Variants in PARP8 observed in about 807,000 individuals in gnomAD.
PARP8 encodes protein mono-ADP-ribosyltransferase PARP8.
A neutral mutation model predicts 124.1 loss-of-function variants in PARP8; 51 were observed. That is an observed-to-expected ratio of 0.41 (90% confidence interval 0.33 to 0.52). PARP8 has a LOEUF of 0.52. Ranked by LOEUF, PARP8 falls within the 20% of genes least tolerant of loss-of-function variation. The probability of loss-of-function intolerance (pLI) is 0.21; values close to 1 mark genes in which losing one functional copy is unlikely to be tolerated. For missense variants in PARP8, 860 were observed against 1,018.9 expected, an observed-to-expected ratio of 0.84 and a Z score of 2.12; for synonymous variants, 391 against 361.5, an observed-to-expected ratio of 1.08 and a Z score of -0.93.
chr5:50,792,477 C>T (rs1245008455), intron 10 of PARP8, among the ~76,000 whole-genome samples: 1 of 145,602 alleles, frequency 6.9e-6, no homozygotes, highest in Non-Finnish European at 1.5e-5. Flanking sequence ...CCATTTTGAC[C>T]TGTTTTTTTT....
chr5:50,812,522 A>G (rs1041450004), intron 14 of PARP8, among the ~76,000 whole-genome samples: 2 of 151,888 alleles, frequency 1.3e-5, no homozygotes. Flanking sequence ...GATTGCAAAA[A>G]TTTTCTCCCA....
At position 50,672,352 on chromosome 5, in the gene PARP8, T is replaced by C. The variant is rs2149433224; in HGVS notation, c.146+4227T>C. On this transcript the variant is annotated intron_variant, in intron 2 of 25. Transcript: ENST00000281631. ...CACACTGTCTAGCCCAGTATTCTTC[T>C]AAGTAAGTAGGTGTTGAATGACTTA... Among the ~76,000 whole-genome samples, 2 of 152,330 alleles carry C rather than the reference T, an allele frequency of 1.3e-5. 1 individual carries two copies. The highest frequency in any genetic ancestry group is 6.8e-3 in the Middle Eastern group (2 of 294).
intron 14 of PARP8, among the ~76,000 whole-genome samples, chr5:50,801,276 T>G (rs1256887109): frequency 6.6e-6 from 1 of 152,078 alleles, no homozygotes; most frequent in Non-Finnish European, 1.5e-5. Context: ...ATTTTGTGTT[T>G]TTATTAGAGA....
intron 7 of PARP8, 66 bp from the exon 8 acceptor site, chr5:50,778,003 A>G: frequency 1.7e-6 from 2 of 1,202,312 alleles, no homozygotes; most frequent in South Asian, 2.7e-5. Flanking sequence ...AAATAAAATA[A>G]CCTAACACAC....
chr5:50,690,265 A>G (rs999077568), intron 2 of PARP8, among the ~76,000 whole-genome samples: 4 of 152,220 alleles, frequency 2.6e-5, no homozygotes, highest in Admixed American at 2.6e-4. Context: ...AGGGATTCCT[A>G]CTGGATGGTC....
chr5:50,837,144 A>C (rs1174483589), intron 25 of PARP8, among the ~76,000 whole-genome samples: 1 of 152,172 alleles, frequency 6.6e-6, no homozygotes, highest in African/African-American at 2.4e-5. Context: ...CATGTGAATA[A>C]AAGAGAAGTA....
At chr5:50,776,315 T>C (rs1740009584) in intron 7 of PARP8, among the ~76,000 whole-genome samples, 2 of 152,236 alleles carry the variant, frequency 1.3e-5, no homozygotes, top group South Asian at 4.1e-4. Context: ...GATATTTGCA[T>C]CTGGTTCATC....
In PARP8 at chr5:50,824,971, C is replaced by A; in HGVS notation, c.1924C>A (p.Gln642Lys). Residue 642 changes from glutamine (Q) to lysine (K), a missense_variant, in exon 18 of 26, where the codon CAA (glutamine) becomes AAA (lysine). Physicochemically the swap from Gln to Lys is moderately conservative, Grantham distance 53. Transcript: ENST00000281631. Reference protein sequence around the residue: ...KQDPLAHPLLQWVISSNRSHI... With the variant: ...KQDPLAHPLLKWVISSNRSHI... ...GGACCCCCTTGCTCATCCCTTACTG[C>A]AATGGTATAAAATTCTAGTTTTCCT... is the stretch of plus-strand genomic sequence containing the variant. 2 of 1,609,218 alleles carry A rather than the reference C, an allele frequency of 1.2e-6. No homozygotes were observed. Among genetic ancestry groups the A allele is most frequent in the East Asian group, 2.2e-5 (1 of 44,810 alleles).
At chr5:50,820,732 T>A (rs563078500) in intron 15 of PARP8, among the ~76,000 whole-genome samples, 8 of 152,368 alleles carry the variant, frequency 5.3e-5, no homozygotes, top group African/African-American at 1.9e-4. Flanking sequence ...CAGGTCTCTG[T>A]TGAGATTCAC....
rs1047803918 is a variant in PARP8, at chr5:50,789,501, G to A, written c.737+912G>A. On this transcript the variant is annotated intron_variant, in intron 10 of 25. Transcript: ENST00000281631. Reference sequence around the variant, plus strand: ...AAGAAAATAATGATGCCATCCACATGGTCTCCTTCGCCAGCCTTCCACACA... The same window carrying A: ...AAGAAAATAATGATGCCATCCACATAGTCTCCTTCGCCAGCCTTCCACACA... Among the ~76,000 whole-genome samples, 11 of 152,106 alleles carry A rather than the reference G, an allele frequency of 7.2e-5. 1 individual carries two copies. The highest frequency in any genetic ancestry group is 1.4e-4 in the African/African-American group (6 of 41,430).
intron 2 of PARP8, among the ~76,000 whole-genome samples, chr5:50,734,372 T>C (rs911548639): frequency 1.3e-5 from 2 of 152,136 alleles, no homozygotes; most frequent in African/African-American, 4.8e-5. Flanking sequence ...TGTGTGATGG[T>C]GTAGGAGTGT....
intron 2 of PARP8, among the ~76,000 whole-genome samples, chr5:50,746,294 GTC>G (rs1420228628): frequency 2.6e-5 from 4 of 152,136 alleles, no homozygotes; most frequent in African/African-American, 4.8e-5. Context: ...AGATGGATAT[GTC>G]TCTAAAAAAG....
chr5:50,720,970 T>C (rs1215249722), intron 2 of PARP8, among the ~76,000 whole-genome samples: 2 of 151,938 alleles, frequency 1.3e-5, no homozygotes, highest in Admixed American at 1.3e-4. Context: ...GCCCTTGTGC[T>C]CCAAGTCTCC....
intron 14 of PARP8, among the ~76,000 whole-genome samples, chr5:50,811,446 G>A (rs1001047284): frequency 1.3e-5 from 2 of 151,946 alleles, no homozygotes; most frequent in Non-Finnish European, 2.9e-5. Context: ...GAATACCTAG[G>A]ATTGGTGACA....
At chr5:50,788,311 A>G (rs1741530016) in intron 9 of PARP8, among the ~76,000 whole-genome samples, 1 of 148,650 alleles carries the variant, frequency 6.7e-6, no homozygotes, top group African/African-American at 2.5e-5. Context: ...TATACAATAT[A>G]ATGTATAATA....
chr5:50,753,947 G>A (rs1324143348), intron 3 of PARP8, among the ~76,000 whole-genome samples: 1 of 150,360 alleles, frequency 6.7e-6, no homozygotes, highest in Non-Finnish European at 1.5e-5. Context: ...TGTTAGAGAA[G>A]TGAAGAGAAA....
chr5:50,679,058 C>T (rs1750980421), intron 2 of PARP8, among the ~76,000 whole-genome samples: 1 of 152,190 alleles, frequency 6.6e-6, no homozygotes, highest in Admixed American at 6.5e-5. Flanking sequence ...TAAAAAACTA[C>T]ACTGGTTTTC....
chr5:50,835,737 C>T (rs1412896962), intron 25 of PARP8, among the ~76,000 whole-genome samples: 1 of 151,990 alleles, frequency 6.6e-6, no homozygotes, highest in African/African-American at 2.4e-5. Context: ...CCATATAATA[C>T]AGGCTGGCAA....
At chr5:50,775,404 A>C (rs1739883771) in intron 7 of PARP8, among the ~76,000 whole-genome samples, 1 of 152,100 alleles carries the variant, frequency 6.6e-6, no homozygotes, top group Non-Finnish European at 1.5e-5. Flanking sequence ...AAAATACAAA[A>C]ACCAGTCAAG....
Sources: allele counts gnomAD v4.1 joint callset (sites outside exome capture counted in the v4.1 genomes callset), GRCh38; gene constraint gnomAD v4.1.1; transcripts MANE v1.5; gene names NCBI Gene and HGNC (gene_info 2026-07-23, HGNC 2026-07-21).